WWOX: variants seen among roughly 807,000 people sequenced by gnomAD.
WWOX encodes the protein WW domain-containing oxidoreductase.
In WWOX, 69 loss-of-function variants were observed where a neutral mutation model predicts 46.2. That is an observed-to-expected ratio of 1.49 (90% CI 1.23 to 1.82). The LOEUF is 1.82. WWOX is among the 40% of genes most tolerant of loss of function. The pLI, the probability that WWOX is intolerant of heterozygous loss-of-function variation, is 0.00. For synonymous variants in WWOX, 359 were observed against 202.6 expected, an observed-to-expected ratio of 1.77 and a Z score of -6.56; for missense variants, 919 against 542.6, an observed-to-expected ratio of 1.69 and a Z score of -6.89.
At chr16:78,365,960 T>C (rs1226180922) in intron 5 of WWOX, among the ~76,000 whole-genome samples, 2 of 152,244 alleles carry the variant, frequency 1.3e-5, no homozygotes, top group Admixed American at 6.5e-5. Context: ...ATTATGCCCA[T>C]GTGCCAGGTG....
chr16:78,178,164 C>T (rs376090364), intron 5 of WWOX, among the ~76,000 whole-genome samples: 25 of 152,314 alleles, frequency 1.6e-4, no homozygotes, highest in African/African-American at 6.0e-4. Flanking sequence ...GGCAAGACAG[C>T]CACATGCAAG....
chr16:78,624,238 C>T (rs1369210260), intron 8 of WWOX, among the ~76,000 whole-genome samples: 6 of 149,532 alleles, frequency 4.0e-5, no homozygotes, highest in Non-Finnish European at 5.9e-5. Context: ...AATCATGTTC[C>T]CTTCGGAAAA....
At chr16:78,715,456 C>T (rs2048539186) in intron 8 of WWOX, among the ~76,000 whole-genome samples, 1 of 151,808 alleles carries the variant, frequency 6.6e-6, no homozygotes, top group East Asian at 1.9e-4. Flanking sequence ...GGGTCTGACT[C>T]CACCCCACCC....
chr16:79,163,401 G>T lies in WWOX; in HGVS notation c.1057-48207G>T, dbSNP rs2050525753. Reference sequence around the variant, plus strand: ...AGTAGAAGTAGGAATCGTCATTAAGGCGCCTAATTTATGAAGTTACTCTGA... The same window carrying T: ...AGTAGAAGTAGGAATCGTCATTAAGTCGCCTAATTTATGAAGTTACTCTGA... On this transcript the variant is annotated intron_variant, in intron 8 of 8. Transcript: ENST00000566780. Among the ~76,000 whole-genome samples, 3 of 152,146 alleles carry T rather than the reference G, an allele frequency of 2.0e-5. No homozygotes were observed. In the South Asian group the frequency reaches 6.2e-4, roughly 32 times the overall value.
At chr16:79,117,503 C>T (rs372279997) in intron 8 of WWOX, among the ~76,000 whole-genome samples, 6 of 152,198 alleles carry the variant, frequency 3.9e-5, no homozygotes, top group African/African-American at 1.4e-4. Flanking sequence ...GGTAAATGAG[C>T]TTGGCTTCAA....
intron 8 of WWOX, among the ~76,000 whole-genome samples, chr16:79,128,082 C>G (rs1243482730): frequency 6.6e-6 from 1 of 152,100 alleles, no homozygotes; most frequent in Non-Finnish European, 1.5e-5. Flanking sequence ...ACCCCCTTCT[C>G]CATCCCCCAC....
At chr16:79,069,330 A>G (rs1244726625) in intron 8 of WWOX, among the ~76,000 whole-genome samples, 2 of 152,212 alleles carry the variant, frequency 1.3e-5, no homozygotes, top group African/African-American at 2.4e-5. Flanking sequence ...CCAAGCCAAC[A>G]TGAGCTTCCA....
At chr16:78,488,381 C>T (rs549717013) in intron 8 of WWOX, among the ~76,000 whole-genome samples, 5 of 152,126 alleles carry the variant, frequency 3.3e-5, no homozygotes, top group African/African-American at 7.2e-5. Context: ...AGGGCACCTC[C>T]TGTAATTGAA....
At chr16:79,125,137 AAAAG>A (rs2150683841) in intron 8 of WWOX, among the ~76,000 whole-genome samples, 1 of 152,092 alleles carries the variant, frequency 6.6e-6, no homozygotes, top group South Asian at 2.1e-4. Flanking sequence ...TCTCAGTTTG[AAAAG>A]AAATCCTGGA....
chr16:79,048,773 G>T (rs552065951), intron 8 of WWOX, among the ~76,000 whole-genome samples: 1 of 152,312 alleles, frequency 6.6e-6, no homozygotes, highest in East Asian at 1.9e-4. Flanking sequence ...GGAGGCAGGA[G>T]CCTCGTTACC....
rs1555506125 is a variant in WWOX at position 78,229,464 on chromosome 16, A to ATTTC, written c.516+65176_516+65177insTTCT. 6.1e-4 allele frequency among the ~76,000 whole-genome samples: 89 copies of ATTTC among 146,944 alleles called. 2 individuals carry two copies. The highest frequency in any genetic ancestry group is 2.1e-3 in the African/African-American group (85 of 40,146). On this transcript the variant is annotated intron_variant, in intron 5 of 8. Coordinates refer to ENST00000566780, the MANE Select transcript of WWOX (RefSeq NM_016373.4). ...TAGACATTTAGATTTTTTCTGTTTT[A>ATTTC]TCTCTCTCTATATGTATATCTGTAT...
chr16:79,014,044 C>A (rs978008539), intron 8 of WWOX, among the ~76,000 whole-genome samples: 3 of 152,310 alleles, frequency 2.0e-5, no homozygotes, highest in African/African-American at 7.2e-5. Flanking sequence ...TAGAGACTGT[C>A]AATTCCTGAG....
At chr16:78,737,932 T>C (rs1364470448) in intron 8 of WWOX, among the ~76,000 whole-genome samples, 6 of 152,138 alleles carry the variant, frequency 3.9e-5, no homozygotes, top group South Asian at 2.1e-4. Flanking sequence ...CAGTATTTAT[T>C]GTTTTAATCA....
chr16:79,098,952 G>A (rs944069380), intron 8 of WWOX, among the ~76,000 whole-genome samples: 2 of 152,186 alleles, frequency 1.3e-5, no homozygotes, highest in African/African-American at 2.4e-5. Context: ...AAGAAAAGAA[G>A]TTTGTTTGAT....
At position 78,161,923 on chromosome 16, in the gene WWOX, A is replaced by G. The variant is rs375883918; in HGVS notation, c.410-2260A>G. ...CCATTACTCACCTCCTAGGTTAAGC[A>G]TTGTTATTATTATTGATATAGTAAT... On this transcript the variant is annotated intron_variant, in intron 4 of 8. Coordinates refer to ENST00000566780, the MANE Select transcript of WWOX (RefSeq NM_016373.4). Among the ~76,000 whole-genome samples the G allele has an allele frequency of 1.2e-4, 19 of 152,176 alleles. 1 individual carries two copies. The highest frequency in any genetic ancestry group is 4.3e-4 in the African/African-American group (18 of 41,428).
intron 5 of WWOX, among the ~76,000 whole-genome samples, chr16:78,227,233 C>T (rs537186972): frequency 1.1e-4 from 16 of 152,312 alleles, no homozygotes; most frequent in Non-Finnish European, 2.2e-4. Context: ...GAATTGTACG[C>T]TTTAAGGTTA....
chr16:78,967,060 C>A (rs1263206755), intron 8 of WWOX, among the ~76,000 whole-genome samples: 2 of 152,114 alleles, frequency 1.3e-5, no homozygotes, highest in Non-Finnish European at 2.9e-5. Context: ...CCATTGTTGT[C>A]CTTTCTTTTC....
intron 5 of WWOX, among the ~76,000 whole-genome samples, chr16:78,307,002 C>T (rs1404796228): frequency 1.3e-5 from 2 of 152,144 alleles, no homozygotes; most frequent in Non-Finnish European, 2.9e-5. Flanking sequence ...TTCAACGTTT[C>T]CTGTGACAGT....
intron 8 of WWOX, among the ~76,000 whole-genome samples, chr16:78,943,338 T>C (rs1157029784): frequency 6.6e-6 from 1 of 152,098 alleles, no homozygotes; most frequent in Non-Finnish European, 1.5e-5. Context: ...TCCAAACCCT[T>C]TGGCATTCAA....
Sources: allele counts gnomAD v4.1 joint callset (sites outside exome capture counted in the v4.1 genomes callset), GRCh38; gene constraint gnomAD v4.1.1; transcripts MANE v1.5; gene names NCBI Gene and HGNC (gene_info 2026-07-23, HGNC 2026-07-21).